GLIPR1: variants seen among roughly 807,000 people sequenced by gnomAD.
The protein encoded by GLIPR1 is GLI pathogenesis related 1.
A neutral mutation model predicts 30.3 loss-of-function variants in GLIPR1; 38 were observed. The observed-to-expected ratio is 1.26, with a 90% CI of 0.97 to 1.65. GLIPR1 has a LOEUF of 1.65. Ranked by LOEUF, GLIPR1 falls within the 40% of genes most tolerant of loss-of-function variation. The probability of loss-of-function intolerance (pLI) is 0.00; values close to 1 mark genes in which losing one functional copy is unlikely to be tolerated. For synonymous variants in GLIPR1, 122 were observed against 110.6 expected (o/e 1.10, Z -0.65); for missense variants, 285 against 326.5 (o/e 0.87, Z 0.98).
intron 4 of GLIPR1, chr12:75,498,003 A>G (rs1428769677): frequency 6.6e-6 from 1 of 152,266 alleles, no homozygotes; most frequent in Non-Finnish European, 1.5e-5. Context: ...ACTCACAGGT[A>G]TGAAGACCAG....
In GLIPR1 at chr12:75,502,649, T is replaced by C. The variant is rs1012278594; in HGVS notation, c.*3671T>C. 1.3e-5 allele frequency: 2 copies of C among 152,052 alleles called. No individual in the cohort carries two copies. The highest frequency in any genetic ancestry group is 4.8e-5 in the African/African-American group (2 of 41,424). 9.4% of individuals were successfully genotyped at this position (152,052 alleles called of 1,614,324 possible). A position where few individuals can be genotyped will look rare whatever the true frequency, so the allele number is the denominator to read the frequency against. ...CAATTCTTTAAGATAGGTATTACCA[T>C]TACTCCCACTTTAGGTATGGGGAAA... On this transcript the variant is annotated 3_prime_UTR_variant, in exon 6 of 6. Coordinates refer to ENST00000266659, the MANE Select transcript of GLIPR1 (RefSeq NM_006851.3).
intron 2 of GLIPR1, chr12:75,484,766 T>C (rs2046286182): frequency 6.5e-6 from 1 of 153,554 alleles, no homozygotes. Context: ...CACAAGGTAA[T>C]GTCATCAGTT....
At position 75,481,831 on chromosome 12, in the gene GLIPR1, C is replaced by A. The variant is rs373512529; in HGVS notation, c.175-3C>A. 2.7e-5 allele frequency: 44 copies of A among 1,613,106 alleles called. No individual in the cohort carries two copies. The highest frequency in any genetic ancestry group is 3.6e-5 in the Non-Finnish European group (42 of 1,179,378). Reference sequence around the variant, plus strand: ...CCCTATTGTTTAATGTTTATTTTTGCAGACTTGGGACCCAGCACTAGCCCA... The same window carrying A: ...CCCTATTGTTTAATGTTTATTTTTGAAGACTTGGGACCCAGCACTAGCCCA... On this transcript the variant is annotated splice_polypyrimidine_tract_variant and splice_region_variant and intron_variant, in intron 1 of 5. Coordinates refer to ENST00000266659, the MANE Select transcript of GLIPR1 (RefSeq NM_006851.3).
chr12:75,482,841 C>T (rs1047163673), intron 2 of GLIPR1, among the ~76,000 whole-genome samples: 1 of 152,002 alleles, frequency 6.6e-6, no homozygotes, highest in Admixed American at 6.6e-5. Context: ...CGCTGCCTTC[C>T]TGTCCTGGCT....
intron 3 of GLIPR1, chr12:75,494,063 A>G (rs369248784): frequency 2.0e-4 from 30 of 152,308 alleles, no homozygotes; most frequent in African/African-American, 6.0e-4. Flanking sequence ...AATTTCTACT[A>G]TATTACCTTT....
At chr12:75,490,235 C>CACACACACA (rs1566097391) in intron 2 of GLIPR1, among the ~76,000 whole-genome samples, 171 bp from the exon 3 acceptor site, 1 of 109,630 alleles carries the variant, frequency 9.1e-6, no homozygotes, top group African/African-American at 3.4e-5. Flanking sequence ...ACACACACAC[C>CACACACACA]CCAATAATGG....
In GLIPR1 at chr12:75,503,706, A is replaced by G; in HGVS notation, c.*4728A>G. ...TGGATGCAGTTTATAATCAATGTGA[A>G]CGCCCCACTGCACACCCCCATGCAC... On this transcript the variant is annotated 3_prime_UTR_variant, in exon 6 of 6. Coordinates refer to ENST00000266659, the MANE Select transcript of GLIPR1 (RefSeq NM_006851.3). 2.5e-6 allele frequency: 1 copy of G among 405,218 alleles called. No individual in the cohort carries two copies. The highest frequency in any genetic ancestry group is 4.4e-6 in the Non-Finnish European group (1 of 228,266). The allele number at this position is 405,218 out of a possible 1,614,324, so 25.1% of individuals were successfully genotyped here.
intron 2 of GLIPR1, chr12:75,484,481 T>A (rs1318345200): frequency 6.6e-6 from 1 of 152,204 alleles, no homozygotes; most frequent in Non-Finnish European, 1.5e-5. Context: ...ATATTAGATA[T>A]GTTGGAAGGC....
At chr12:75,498,613 T>C in intron 4 of GLIPR1, 81 bp from the exon 5 acceptor site, 1 of 1,143,294 alleles carries the variant, frequency 8.7e-7, no homozygotes, top group Non-Finnish European at 1.3e-6. Flanking sequence ...GTCATAATTA[T>C]AAGACTTAGC....
chr12:75,494,889 G>A (rs2046341566), intron 3 of GLIPR1: 1 of 152,162 alleles, frequency 6.6e-6, no homozygotes, highest in African/African-American at 2.4e-5. Context: ...GGTATAAATA[G>A]ACAACAGTAA....
intron 2 of GLIPR1, 93 bp downstream of exon 2, chr12:75,482,172 G>C (rs1231996982): frequency 6.8e-6 from 7 of 1,032,300 alleles, no homozygotes; most frequent in Non-Finnish European, 1.0e-5. Context: ...TAGTATGCTA[G>C]TATACCTGTA....
intron 2 of GLIPR1, among the ~76,000 whole-genome samples, chr12:75,487,185 C>T (rs1314171516): frequency 6.6e-6 from 1 of 152,084 alleles, no homozygotes; most frequent in African/African-American, 2.4e-5. Context: ...ATAAAGACAA[C>T]ACTGAACACA....
At chr12:75,494,660 G>GTACGAT (rs1397658141) in intron 3 of GLIPR1, 3 of 152,080 alleles carry the variant, frequency 2.0e-5, no homozygotes, top group Non-Finnish European at 2.9e-5. Flanking sequence ...CTGCCAAAGG[G>GTACGAT]TACGATTACA....
At chr12:75,485,533 T>TTTAA (rs1555239138) in intron 2 of GLIPR1, among the ~76,000 whole-genome samples, 2 of 110,428 alleles carry the variant, frequency 1.8e-5, no homozygotes, top group African/African-American at 6.1e-5. Flanking sequence ...GACAGCTTTA[T>TTTAA]TTTATTTATT....
chr12:75,489,237 T>C (rs987046328), intron 2 of GLIPR1, among the ~76,000 whole-genome samples: 16 of 152,186 alleles, frequency 1.1e-4, no homozygotes, highest in African/African-American at 3.4e-4. Flanking sequence ...AAACCAAGCA[T>C]GGGGCTCTTT....
chr12:75,487,620 CA>C, intron 2 of GLIPR1: 1 of 359,370 alleles, frequency 2.8e-6, no homozygotes, highest in South Asian at 2.1e-5. Flanking sequence ...GAAGGCAGCC[CA>C]CACTCTGCCC....
In GLIPR1 at chr12:75,501,881, T is replaced by C. The variant is rs751999311; in HGVS notation, c.*2903T>C. 10 of 1,590,504 alleles carry C rather than the reference T, an allele frequency of 6.3e-6. No homozygotes were observed. The highest frequency in any genetic ancestry group is 1.7e-5 in the Admixed American group (1 of 57,520). On this transcript the variant is annotated 3_prime_UTR_variant, in exon 6 of 6. Transcript: ENST00000266659. ...TATAGTTAAATAATTCAAGTATCTA[T>C]GAACTTTGCTATTCATGTGAGCCAG...
At chr12:75,488,385 A>G (rs562720408) in intron 2 of GLIPR1, among the ~76,000 whole-genome samples, 45 of 151,894 alleles carry the variant, frequency 3.0e-4, no homozygotes, top group African/African-American at 1.0e-3. Context: ...TAAAAATACA[A>G]AATTAGCCGG....
intron 2 of GLIPR1, chr12:75,484,558 G>A (rs1287268724): frequency 6.6e-6 from 1 of 152,224 alleles, no homozygotes; most frequent in Non-Finnish European, 1.5e-5. Context: ...GAGCAATAAA[G>A]CTTTTTATCA....
Sources: gnomAD v4.1 joint callset for allele counts (sites outside exome capture counted in the v4.1 genomes callset) on GRCh38, gnomAD v4.1.1 for gene constraint, MANE v1.5 for transcripts, NCBI Gene and HGNC (gene_info 2026-07-23, HGNC 2026-07-21) for gene names.